PDE1A: variants seen among roughly 807,000 people sequenced by gnomAD.
PDE1A encodes the protein phosphodiesterase 1A.
PDE1A carries 35 observed loss-of-function variants against 61.7 expected under a neutral mutation model. The ratio of observed to expected loss-of-function variants is 0.57; its 90% CI spans 0.43 to 0.75. PDE1A has a LOEUF of 0.75. Among genes scored for constraint, PDE1A ranks in the 30% least tolerant of loss-of-function variants. PDE1A has a pLI of 0.00. For synonymous variants in PDE1A, 232 were observed against 213.2 expected (o/e 1.09, Z -0.77); for missense variants, 597 against 630.6 (o/e 0.95, Z 0.57).
intron 1 of PDE1A, among the ~76,000 whole-genome samples, chr2:182,343,381 G>T (rs1464874208): frequency 1.3e-5 from 2 of 152,130 alleles, no homozygotes; most frequent in African/African-American, 4.8e-5. Context: ...CCACTTCACA[G>T]TACATATACA....
chr2:182,440,589 A>T (rs1022230155), intron 2 of PDE1A, among the ~76,000 whole-genome samples: 1 of 115,760 alleles, frequency 8.6e-6, no homozygotes, highest in Non-Finnish European at 2.3e-5. Context: ...TATTAAAACA[A>T]GATATATTCT....
the PDE1A span, among the ~76,000 whole-genome samples, chr2:182,690,253 T>C: frequency 3.3e-5 from 5 of 152,164 alleles, no homozygotes; most frequent in Non-Finnish European, 7.4e-5. Flanking sequence ...ACCAATATCC[T>C]TGATGAACAT....
chr2:182,715,644 AAG>A, the PDE1A span, among the ~76,000 whole-genome samples: 1 of 152,232 alleles, frequency 6.6e-6, no homozygotes, highest in Non-Finnish European at 1.5e-5. Flanking sequence ...AGATCAAGGT[AAG>A]AGAGAACAAC....
At chr2:182,624,751 A>G in the PDE1A span, among the ~76,000 whole-genome samples, 1 of 152,178 alleles carries the variant, frequency 6.6e-6, no homozygotes, top group Non-Finnish European at 1.5e-5. Context: ...CTGGGCCACT[A>G]TGCACGTGTC....
the PDE1A span, among the ~76,000 whole-genome samples, chr2:182,666,051 C>A: frequency 6.6e-6 from 1 of 152,098 alleles, no homozygotes; most frequent in Non-Finnish European, 1.5e-5. Flanking sequence ...GAACAACATA[C>A]ACTGAGGCCT....
rs56059260 is a variant in PDE1A at position 182,441,348 on chromosome 2, A to G, written c.101+80928T>C. On this transcript the variant is annotated intron_variant, in intron 2 of 14. Transcript: ENST00000410103. ...CTCCATAAATTTATTTTTATATATA[A>G]TCATTTTATATGTATAAATCTCCTA... is the stretch of plus-strand genomic sequence containing the variant. Among the ~76,000 whole-genome samples, 514 of 152,116 alleles carry G rather than the reference A, an allele frequency of 3.4e-3. 2 individuals carry two copies. Among genetic ancestry groups the G allele is most frequent in the African/African-American group, 0.011 (477 of 41,490 alleles).
chr2:182,590,883 T>G, the PDE1A span, among the ~76,000 whole-genome samples: 1 of 152,228 alleles, frequency 6.6e-6, no homozygotes, highest in African/African-American at 2.4e-5. Context: ...AACTCAGTTG[T>G]GTTCTCACAA....
chr2:182,556,258 A>G, the PDE1A span, among the ~76,000 whole-genome samples: 1 of 152,146 alleles, frequency 6.6e-6, no homozygotes, highest in African/African-American at 2.4e-5. Context: ...ATTTCCCACC[A>G]AAGATCCACC....
intron 10 of PDE1A, among the ~76,000 whole-genome samples, chr2:182,193,393 G>T (rs1389268264): frequency 6.6e-6 from 1 of 152,020 alleles, no homozygotes; most frequent in African/African-American, 2.4e-5. Flanking sequence ...AAGCAACGTC[G>T]ATAACAAATA....
chr2:182,554,686 A>T, the PDE1A span, among the ~76,000 whole-genome samples: 1 of 152,204 alleles, frequency 6.6e-6, no homozygotes, highest in African/African-American at 2.4e-5. Flanking sequence ...GAAATAATGC[A>T]TGCACAGCCT....
At chr2:182,294,046 T>C (rs931567773) in intron 1 of PDE1A, among the ~76,000 whole-genome samples, 1 of 152,220 alleles carries the variant, frequency 6.6e-6, no homozygotes, top group Non-Finnish European at 1.5e-5. Context: ...ACGCTGGACA[T>C]AGAAATAATT....
chr2:182,588,924 T>A, the PDE1A span, among the ~76,000 whole-genome samples: 5 of 151,552 alleles, frequency 3.3e-5, no homozygotes, highest in Non-Finnish European at 2.9e-5. Flanking sequence ...ATGCCTGTAA[T>A]CCCAGCTACT....
chr2:182,201,664 C>CA (rs1686660247), intron 9 of PDE1A, 24 bp downstream of exon 9: 75 of 873,174 alleles, frequency 8.6e-5, no homozygotes, highest in African/African-American at 1.1e-4. Context: ...AAAAAAAAAA[C>CA]AACAAAAAAA....
intron 13 of PDE1A, among the ~76,000 whole-genome samples, chr2:182,175,159 G>A (rs1029955853): frequency 6.6e-6 from 1 of 152,122 alleles, no homozygotes; most frequent in Non-Finnish European, 1.5e-5. Context: ...GAGCATTTGG[G>A]TTGGTTCCAA....
the PDE1A span, among the ~76,000 whole-genome samples, chr2:182,565,238 A>G: frequency 6.6e-6 from 1 of 152,222 alleles, no homozygotes; most frequent in Non-Finnish European, 1.5e-5. Context: ...TTTGGTGTGG[A>G]TGTCCTTTCT....
chr2:182,431,116 A>C (rs1574642049), upstream of PDE1A, among the ~76,000 whole-genome samples: 1 of 109,734 alleles, frequency 9.1e-6, no homozygotes, highest in Non-Finnish European at 1.8e-5. Context: ...TAAAAAAAAA[A>C]ACATTAAAAA....
intron 2 of PDE1A, among the ~76,000 whole-genome samples, chr2:182,440,995 A>T (rs1684756890): frequency 1.3e-5 from 2 of 152,088 alleles, no homozygotes; most frequent in South Asian, 4.1e-4. Flanking sequence ...GACATACCTT[A>T]GACTGGGTAA....
intron 1 of PDE1A, among the ~76,000 whole-genome samples, chr2:182,283,194 G>A (rs944766247): frequency 7.9e-5 from 12 of 152,046 alleles, no homozygotes; most frequent in Admixed American, 2.6e-4. Flanking sequence ...CTGGACACTT[G>A]TTGAGTGTCC....
At chr2:182,299,381 A>T (rs1483207635) in intron 1 of PDE1A, among the ~76,000 whole-genome samples, 2 of 150,436 alleles carry the variant, frequency 1.3e-5, no homozygotes, top group African/African-American at 4.9e-5. Context: ...AGTAAGAGCC[A>T]TTATGGTAGG....
Sources: allele counts gnomAD v4.1 joint callset (sites outside exome capture counted in the v4.1 genomes callset), GRCh38; gene constraint gnomAD v4.1.1; transcripts MANE v1.5; gene names NCBI Gene and HGNC (gene_info 2026-07-23, HGNC 2026-07-21).